Variants in RBFOX1 observed in about 807,000 individuals in gnomAD.
RBFOX1 encodes RNA binding fox-1 homolog 1.
A neutral mutation model predicts 57.7 loss-of-function variants in RBFOX1; 8 were observed. That is an observed-to-expected ratio of 0.14 (90% CI 0.08 to 0.25). The LOEUF (loss-of-function observed/expected upper bound fraction) is 0.25. Among genes scored for constraint, RBFOX1 ranks in the 10% least tolerant of loss-of-function variants. The pLI is 1.00. For synonymous variants in RBFOX1, 326 were observed against 222.4 expected (o/e 1.47, Z -4.15); for missense variants, 611 against 548.5 (o/e 1.11, Z -1.14).
chr16:7,372,649 G>C (rs1596720121), intron 4 of RBFOX1, among the ~76,000 whole-genome samples: 1 of 152,064 alleles, frequency 6.6e-6, no homozygotes, highest in African/African-American at 2.4e-5. Flanking sequence ...GGGGCAGCCT[G>C]TGTCCCCAGT....
At chr16:7,636,017 A>T (rs2061696460) in intron 11 of RBFOX1, among the ~76,000 whole-genome samples, 1 of 152,124 alleles carries the variant, frequency 6.6e-6, no homozygotes, top group African/African-American at 2.4e-5. Context: ...TTCACGTGTT[A>T]GCCAGGATGA....
At chr16:7,071,387 G>A (rs902523199) in intron 4 of RBFOX1, among the ~76,000 whole-genome samples, 2 of 152,106 alleles carry the variant, frequency 1.3e-5, no homozygotes, top group African/African-American at 2.4e-5. Context: ...AAAGCGCAGA[G>A]GAGAGTATTA....
intron 2 of RBFOX1, among the ~76,000 whole-genome samples, chr16:6,637,850 T>C (rs965852765): frequency 1.3e-5 from 2 of 152,074 alleles, no homozygotes; most frequent in African/African-American, 4.8e-5. Context: ...ATTACAATTC[T>C]GAAACTCATC....
chr16:5,691,764 CATT>C (rs1271597104), intron 3 of RBFOX1, among the ~76,000 whole-genome samples: 2 of 151,996 alleles, frequency 1.3e-5, no homozygotes, highest in Non-Finnish European at 2.9e-5. Context: ...ATCCTGTAAA[CATT>C]ATCTTTTTTT....
Position 6,588,218 on chromosome 16 carries a change from A to T in RBFOX1, c.-63-66385A>T, listed in dbSNP as rs543652760. Among the ~76,000 whole-genome samples, 6 of 151,716 alleles carry T rather than the reference A, an allele frequency of 4.0e-5. No individual in the cohort carries two copies. The South Asian group carries it at 1.3e-3, about 32-fold the overall frequency. On this transcript the variant is annotated intron_variant, in intron 2 of 15. Transcript: ENST00000550418. The stretch of plus-strand genomic sequence containing the variant: ...TGTACTCCAGCCTGGGCACAGAGCA[A>T]GACTGTGTCTCGGGAAAAAAAAAAA...
chr16:5,258,685 A>G (rs1234071259), intron 1 of RBFOX1, among the ~76,000 whole-genome samples: 3 of 152,186 alleles, frequency 2.0e-5, no homozygotes, highest in Admixed American at 1.3e-4. Context: ...TGGGAGGCCA[A>G]GGTAGGCGGA....
chr16:7,085,414 C>T (rs760695617), intron 4 of RBFOX1, among the ~76,000 whole-genome samples: 5 of 151,948 alleles, frequency 3.3e-5, no homozygotes, highest in Non-Finnish European at 5.9e-5. Context: ...TAAATATTGG[C>T]AAATAAGTTA....
chr16:6,962,388 T>C (rs898090969), intron 3 of RBFOX1, among the ~76,000 whole-genome samples: 1 of 152,192 alleles, frequency 6.6e-6, no homozygotes, highest in Non-Finnish European at 1.5e-5. Flanking sequence ...CTTCGACTTA[T>C]CTTTTTAGGA....
intron 3 of RBFOX1, among the ~76,000 whole-genome samples, chr16:6,757,843 A>T (rs2076041376): frequency 6.6e-6 from 1 of 152,168 alleles, no homozygotes. Flanking sequence ...GGTGATGGAT[A>T]CCCCCAATTA....
At chr16:7,082,515 G>C (rs2059355681) in intron 4 of RBFOX1, among the ~76,000 whole-genome samples, 1 of 151,258 alleles carries the variant, frequency 6.6e-6, no homozygotes, top group South Asian at 2.1e-4. Flanking sequence ...CTGGGAGGTG[G>C]AGGTTGATCA....
chr16:7,492,688 G>T (rs1006913319), intron 4 of RBFOX1, among the ~76,000 whole-genome samples: 1 of 152,064 alleles, frequency 6.6e-6, no homozygotes, highest in East Asian at 1.9e-4. Context: ...GTGGTTTAGT[G>T]CCATACCCTT....
intron 3 of RBFOX1, among the ~76,000 whole-genome samples, chr16:6,741,633 C>T (rs993678696): frequency 6.7e-6 from 1 of 150,288 alleles, no homozygotes. Flanking sequence ...CATGCCACTG[C>T]ACTCCAGCCT....
At chr16:7,054,020 C>A (rs1046243205) in intron 4 of RBFOX1, among the ~76,000 whole-genome samples, 1 of 151,804 alleles carries the variant, frequency 6.6e-6, no homozygotes, top group African/African-American at 2.4e-5. Flanking sequence ...CTGGGAGACC[C>A]CTAGTGTGAT....
intron 15 of RBFOX1, chr16:7,709,919 G>C (rs919179374): frequency 1.9e-6 from 2 of 1,054,544 alleles, no homozygotes; most frequent in Non-Finnish European, 2.3e-6. Context: ...CTTGGATCAA[G>C]AATATCAGTC....
intron 4 of RBFOX1, among the ~76,000 whole-genome samples, chr16:5,990,549 T>C (rs946118990): frequency 1.3e-5 from 2 of 152,094 alleles, no homozygotes; most frequent in African/African-American, 4.8e-5. Context: ...ACTTGTTCTG[T>C]GGGTTATAAA....
intron 4 of RBFOX1, among the ~76,000 whole-genome samples, chr16:5,987,138 G>A (rs1005178777): frequency 6.6e-5 from 10 of 152,158 alleles, no homozygotes; most frequent in Admixed American, 4.6e-4. Context: ...TGTCGAATAC[G>A]TTCTTATGTT....
intron 13 of RBFOX1, among the ~76,000 whole-genome samples, chr16:7,669,871 G>A (rs3785212): frequency 1.3e-5 from 2 of 152,050 alleles, no homozygotes; most frequent in African/African-American, 4.8e-5. Context: ...CTTGCCGTCC[G>A]CAGTCACCAT....
intron 4 of RBFOX1, among the ~76,000 whole-genome samples, chr16:7,397,522 G>T (rs940230705): frequency 6.6e-6 from 1 of 152,146 alleles, no homozygotes; most frequent in Non-Finnish European, 1.5e-5. Context: ...GTGACAGAGG[G>T]TCTCAGAGCC....
chr16:6,248,624 C>G (rs1555575896), intron 1 of RBFOX1, among the ~76,000 whole-genome samples: 1 of 152,058 alleles, frequency 6.6e-6, no homozygotes, highest in Non-Finnish European at 1.5e-5. Flanking sequence ...TTTTTATTCA[C>G]ATTTTAATAC....
Sources: allele counts gnomAD v4.1 joint callset (sites outside exome capture counted in the v4.1 genomes callset), GRCh38; gene constraint gnomAD v4.1.1; transcripts MANE v1.5; gene names NCBI Gene and HGNC (gene_info 2026-07-23, HGNC 2026-07-21).